The following DICER1 variants were observed in gnomAD, a reference collection of about 807,000 sequenced individuals.
DICER1 encodes the protein dicer 1, ribonuclease III, also known as endoribonuclease Dicer.
Under a neutral mutation model 194.1 loss-of-function variants are expected in DICER1, and 43 were observed. That is an observed-to-expected ratio of 0.22 (90% CI 0.17 to 0.29). DICER1 has a LOEUF of 0.29. DICER1 is among the 10% of genes least tolerant of loss of function. DICER1 has a pLI of 1.00. For synonymous variants in DICER1, 832 were observed against 820.5 expected, an observed-to-expected ratio of 1.01 and a Z score of -0.24; for missense variants, 1,608 against 2,317.0, an observed-to-expected ratio of 0.69 and a Z score of 6.28.
intron 1 of DICER1, among the ~76,000 whole-genome samples, chr14:95,154,503 A>T (rs1895715238): frequency 6.6e-6 from 1 of 152,266 alleles, no homozygotes; most frequent in African/African-American, 2.4e-5. Flanking sequence ...GTATATTCAT[A>T]CAATGAAATA....
chr14:95,111,509 A>C (rs1243368115), intron 13 of DICER1, 53 bp from the exon 14 acceptor site: 1 of 1,587,342 alleles, frequency 6.3e-7, no homozygotes, highest in Non-Finnish European at 8.6e-7. Context: ...CTGATTAATT[A>C]GTAAAGAATT....
intron 14 of DICER1, among the ~76,000 whole-genome samples, chr14:95,109,164 G>A (rs188592302): frequency 9.2e-5 from 14 of 152,260 alleles, no homozygotes; most frequent in Non-Finnish European, 2.1e-4. Flanking sequence ...ATCATCATTT[G>A]TAATGGCTAC....
chr14:95,143,277 T>C (rs778262070), intron 1 of DICER1, among the ~76,000 whole-genome samples: 1 of 152,202 alleles, frequency 6.6e-6, no homozygotes, highest in African/African-American at 2.4e-5. Context: ...ATGGTATAGA[T>C]ACAAAATACT....
In DICER1 at chr14:95,130,104, T is replaced by A. The variant is rs756586319; in HGVS notation, c.527A>T (p.Glu176Val). Reference protein sequence around the residue: ...LSDINLLVFDECHLAILDHPY... With the variant: ...LSDINLLVFDVCHLAILDHPY... The stretch of plus-strand genomic sequence containing the variant: ...GTGGTCTAGGATTGCAAGATGACAC[T>A]CATCAAACACCAAAAGGTTAATGTC... Residue 176 changes from glutamate (E) to valine (V), a missense_variant, in exon 5 of 27, where the codon GAG (glutamate) becomes GTG (valine). By Grantham distance (121) the Glu-to-Val change is moderately radical (BLOSUM62 -2). Coordinates refer to ENST00000343455, the MANE Select transcript of DICER1 (RefSeq NM_177438.3). 1.2e-6 allele frequency: 2 copies of A among 1,613,392 alleles called. No homozygotes were observed. The highest frequency in any genetic ancestry group is 1.7e-6 in the Non-Finnish European group (2 of 1,179,702).
In DICER1 at chr14:95,124,213, T is replaced by C. The variant is rs2140200757; in HGVS notation, c.1359A>G (p.Thr453=). ...CGIIFVERRY[T]AVVLNRLIKE... ...AGATTTACCTGTTTAAGACAACTGCTGTGTATCTTCTTTCCACAAAAATAA... is the reference window on the plus strand; with the variant it reads ...AGATTTACCTGTTTAAGACAACTGCCGTGTATCTTCTTTCCACAAAAATAA... The change falls in exon 8 of 27, where the codon ACA becomes ACG. Residue 453 remains threonine (T), a synonymous_variant. Transcript: ENST00000343455. This position sits in a 1 kb window ranked among gnomAD's most constrained non-coding sequence, Gnocchi z 4.5. 1.9e-6 allele frequency: 3 copies of C among 1,613,558 alleles called. No homozygotes were observed. Among genetic ancestry groups the C allele is most frequent in the Non-Finnish European group, 2.5e-6 (3 of 1,179,796 alleles).
intron 6 of DICER1, chr14:95,129,163 T>C (rs1282070071): frequency 6.2e-6 from 2 of 320,914 alleles, no homozygotes; most frequent in African/African-American, 2.1e-5. Flanking sequence ...AAAGCACACA[T>C]ATTGACAGAA....
At chr14:95,092,156 CCT>C (rs1889902864) in intron 24 of DICER1, among the ~76,000 whole-genome samples, 3 of 152,216 alleles carry the variant, frequency 2.0e-5, no homozygotes, top group South Asian at 2.1e-4. Context: ...GCGTGTGGCC[CCT>C]GAGCATCACG....
intron 23 of DICER1, among the ~76,000 whole-genome samples, chr14:95,094,980 TATC>T (rs770510598): frequency 2.6e-5 from 4 of 152,230 alleles, no homozygotes; most frequent in Non-Finnish European, 4.4e-5. Flanking sequence ...GAAAGCCACG[TATC>T]ATTTTTCCTC....
At chr14:95,143,560 C>T (rs1280931538) in intron 1 of DICER1, among the ~76,000 whole-genome samples, 2 of 152,034 alleles carry the variant, frequency 1.3e-5, no homozygotes, top group African/African-American at 2.4e-5. Context: ...AAATGTAAAA[C>T]CTACCTCTAG....
intron 1 of DICER1, among the ~76,000 whole-genome samples, chr14:95,149,223 TTAAATAC>T (rs1348852731): frequency 1.3e-5 from 2 of 152,164 alleles, no homozygotes; most frequent in Non-Finnish European, 2.9e-5. Flanking sequence ...ACATGAATAC[TTAAATAC>T]TAAAGGGAGG....
intron 8 of DICER1, among the ~76,000 whole-genome samples, chr14:95,118,068 T>C (rs1892640822): frequency 6.6e-6 from 1 of 152,192 alleles, no homozygotes; most frequent in Non-Finnish European, 1.5e-5. Flanking sequence ...GAGACTGAGC[T>C]AGTCAGAGAG....
At position 95,091,397 on chromosome 14, in the gene DICER1, A is replaced by C. The variant is rs528532124; in HGVS notation, c.5365-32T>G. ...CAGAGGGAAAAGTGACTTGTAAGCA[A>C]AAAGGCCACTTTTACAGGCAGTCCA... On this transcript the variant is annotated intron_variant, in intron 24 of 26. Transcript: ENST00000343455. The C allele has an allele frequency of 5.7e-5, 92 of 1,608,718 alleles. No homozygotes were observed. The East Asian group carries it at 8.7e-4, about 15-fold the overall frequency.
In DICER1 at chr14:95,096,201, G is replaced by A. The variant is rs141265948; in HGVS notation, c.4719C>T (p.Ser1573=). ...VEALLGCYLT[S]CGERAAQLFL... is the part of the protein sequence containing the mutation. ...AAAGCTGAGCAGCCCTCTCCCCACA[G>A]CTGGTTAAATAGCAGCCCAGCAGGG... Residue 1573 remains serine (S), a synonymous_variant, in exon 23 of 27, where the codon AGC becomes AGT. Coordinates refer to ENST00000343455, the MANE Select transcript of DICER1 (RefSeq NM_177438.3). The A allele has an allele frequency of 1.2e-6, 2 of 1,614,198 alleles. No homozygotes were observed. The highest frequency in any genetic ancestry group is 2.7e-5 in the African/African-American group (2 of 75,052).
At position 95,157,413 on chromosome 14, in the gene DICER1, C is replaced by T. The variant is rs1280396517; in HGVS notation, c.-229G>A. 1 of 152,464 alleles carries T rather than the reference C, an allele frequency of 6.6e-6. No homozygotes were observed. The highest frequency in any genetic ancestry group is 1.9e-4 in the East Asian group (1 of 5,184). 9.4% of individuals were successfully genotyped at this position (152,464 alleles called of 1,614,324 possible). ...CACCTGGGCCTGCAGCAGCCTGCGCCGCGCCTCCGCCTCGACCCCTCCCGC... is the reference window on the plus strand; with the variant it reads ...CACCTGGGCCTGCAGCAGCCTGCGCTGCGCCTCCGCCTCGACCCCTCCCGC... On this transcript the variant is annotated 5_prime_UTR_variant, in exon 1 of 27. Coordinates refer to ENST00000343455, the MANE Select transcript of DICER1 (RefSeq NM_177438.3).
At position 95,113,098 on chromosome 14, in the gene DICER1, G is replaced by T. The variant is rs1292602527; in HGVS notation, c.2034C>A (p.Ser678=). The T allele has an allele frequency of 6.2e-7, 1 of 1,613,662 alleles. No individual in the cohort carries two copies. Among genetic ancestry groups the T allele is most frequent in the Admixed American group, 1.7e-5 (1 of 60,030 alleles). Residue 678 remains serine (S), a synonymous_variant, in exon 12 of 27, where the codon TCC becomes TCA. Coordinates refer to ENST00000343455, the MANE Select transcript of DICER1 (RefSeq NM_177438.3). ...TTTCTTCTTCTAAACTTACAACAAT[G>T]GAGGCTCGAAGAGGTGAGTTAATTG... ...YLPINSPLRA[S]IVGPPMSCVR... is the part of the protein sequence containing the mutation.
intron 6 of DICER1, 116 bp from the exon 7 acceptor site, chr14:95,126,864 AT>A (rs986921918): frequency 1.5e-5 from 10 of 675,078 alleles, no homozygotes; most frequent in Non-Finnish European, 2.3e-5. Context: ...AAAAAAAAAA[AT>A]GCCAGAATGT....
intron 16 of DICER1, 40 bp from the exon 17 acceptor site, chr14:95,107,801 G>C: frequency 6.2e-7 from 1 of 1,611,812 alleles, no homozygotes; most frequent in Non-Finnish European, 8.5e-7. Context: ...GTTAAAACAT[G>C]ATACAGATAA....
chr14:95,105,112 G>A lies in DICER1; in HGVS notation c.3228C>T (p.Ser1076=), dbSNP rs867768809. ...GTGATCTGACTCCCACGCCAGCATC[G>A]CTGGCAGTCTGGGCTCTTAGCTCCT... is the stretch of plus-strand genomic sequence containing the variant. The part of the protein sequence containing the change: ...TAEELRAQTA[S]DAGVGVRSLP... The change falls in exon 20 of 27, where the codon AGC becomes AGT. Residue 1076 remains serine (S), a synonymous_variant. Transcript: ENST00000343455. This position sits in a 1 kb window ranked among gnomAD's most constrained non-coding sequence, Gnocchi z 4.9. The A allele has an allele frequency of 3.1e-6, 5 of 1,614,170 alleles. No homozygotes were observed. The highest frequency in any genetic ancestry group is 4.2e-6 in the Non-Finnish European group (5 of 1,180,010).
rs139441077 is a variant in DICER1, at chr14:95,107,752, G to A, written c.2660C>T (p.Ser887Phe). The A allele has an allele frequency of 1.4e-6, 2 of 1,440,806 alleles. No individual in the cohort carries two copies. Among genetic ancestry groups the A allele is most frequent in the Non-Finnish European group, 1.9e-6 (2 of 1,048,878 alleles). The allele number at this position is 1,440,806 out of a possible 1,614,324, so 89.3% of individuals were successfully genotyped here. Residue 887 changes from serine (S) to phenylalanine (F), a missense_variant, in exon 17 of 27, where the codon TCC becomes TTC. Ser to Phe is a radical substitution (Grantham distance 155, BLOSUM62 -2). This residue lies in a region of DICER1 where 150 missense variants were observed against 216.0 expected (regional missense o/e 0.69). Transcript: ENST00000343455. ...CVLPLNVVND[S>F]STLDIDFKFM... ...TTTAAAGTCAATATCCAAAGTGCTG[G>A]AGTCATTAACTTAGAAGAGAAAAAC... is the stretch of plus-strand genomic sequence containing the variant.
Sources: gnomAD v4.1 joint callset for allele counts (sites outside exome capture counted in the v4.1 genomes callset) on GRCh38, gnomAD v4.1.1 for gene constraint, gnomAD v4.1.1 regional missense constraint, Gnocchi (gnomAD v3.1) non-coding constraint, MANE v1.5 for transcripts, NCBI Gene and HGNC (gene_info 2026-07-23, HGNC 2026-07-21) for gene names.